MINDY3: variants seen among roughly 807,000 people sequenced by gnomAD.
MINDY3 encodes the protein MINDY lysine 48 deubiquitinase 3.
In MINDY3, 38 loss-of-function variants were observed where a neutral mutation model predicts 69.2. The ratio of observed to expected loss-of-function variants is 0.55; its 90% CI spans 0.42 to 0.72. The LOEUF is 0.72. Ranked by LOEUF, MINDY3 falls within the 30% of genes least tolerant of loss-of-function variation. The probability of loss-of-function intolerance (pLI) is 0.00; values close to 1 mark genes in which losing one functional copy is unlikely to be tolerated. For synonymous variants in MINDY3, 192 were observed against 180.1 expected (o/e 1.07, Z -0.53); for missense variants, 522 against 519.0 (o/e 1.01, Z -0.06).
intron 13 of MINDY3, 53 bp from the exon 14 acceptor site, chr10:15,782,279 T>C (rs1836605869): frequency 2.5e-6 from 3 of 1,220,940 alleles, no homozygotes; most frequent in Admixed American, 2.2e-5. Context: ...TATCAGGCAA[T>C]TTCTAATCAA....
chr10:15,820,492 G>C (rs547381177), intron 9 of MINDY3, among the ~76,000 whole-genome samples: 1 of 151,970 alleles, frequency 6.6e-6, no homozygotes, highest in Non-Finnish European at 1.5e-5. Flanking sequence ...TAGGATCTAC[G>C]AATGTGTGTG....
intron 8 of MINDY3, among the ~76,000 whole-genome samples, chr10:15,831,597 A>G (rs1263541245): frequency 6.6e-6 from 1 of 152,196 alleles, no homozygotes; most frequent in Non-Finnish European, 1.5e-5. Context: ...CAAGAACCGA[A>G]ACTGATAATT....
At chr10:15,852,383 T>C (rs1834366110) in intron 1 of MINDY3, among the ~76,000 whole-genome samples, 1 of 152,182 alleles carries the variant, frequency 6.6e-6, no homozygotes, top group South Asian at 2.1e-4. Flanking sequence ...GATGTAAGTG[T>C]GTAGTTCAGG....
chr10:15,796,220 T>C (rs757662761), intron 10 of MINDY3, 48 bp from the exon 11 acceptor site: 5 of 1,482,352 alleles, frequency 3.4e-6, no homozygotes, highest in Non-Finnish European at 4.7e-6. Flanking sequence ...TATTATGACA[T>C]TAAAAAGAAA....
intron 10 of MINDY3, 47 bp from the exon 11 acceptor site, chr10:15,796,219 A>G: frequency 6.7e-7 from 1 of 1,481,668 alleles, no homozygotes; most frequent in Non-Finnish European, 9.4e-7. Context: ...GTATTATGAC[A>G]TTAAAAAGAA....
At position 15,793,109 on chromosome 10, in the gene MINDY3, T is replaced by TATCA. The variant is rs1175419917; in HGVS notation, c.955+2987_955+2990dup. Among the ~76,000 whole-genome samples the TATCA allele has an allele frequency of 6.6e-5, 10 of 152,302 alleles. No individual in the cohort carries two copies. The East Asian group carries it at 1.5e-3, about 24-fold the overall frequency. ...ATCTTTGATCATATTAATATATCTT[T>TATCA]ATCAATCATTTTACAATAATTCCTA... On this transcript the variant is annotated intron_variant, in intron 11 of 14. Coordinates refer to ENST00000277632, the MANE Select transcript of MINDY3 (RefSeq NM_024948.4).
intron 13 of MINDY3, among the ~76,000 whole-genome samples, chr10:15,784,374 T>C (rs1836788895): frequency 6.6e-6 from 1 of 152,196 alleles, no homozygotes; most frequent in Admixed American, 6.5e-5. Flanking sequence ...ATTGTAAAGA[T>C]TACCGAAGTT....
chr10:15,814,226 T>G (rs1839202562), intron 10 of MINDY3, among the ~76,000 whole-genome samples: 1 of 152,220 alleles, frequency 6.6e-6, no homozygotes, highest in Non-Finnish European at 1.5e-5. Flanking sequence ...TAGGTGAACT[T>G]CCAGCTTTGT....
intron 9 of MINDY3, chr10:15,817,774 G>A (rs1159927711): frequency 6.6e-6 from 1 of 152,152 alleles, no homozygotes; most frequent in Non-Finnish European, 1.5e-5. Context: ...GGCTGTTTGT[G>A]GCAGTCAGGC....
intron 10 of MINDY3, among the ~76,000 whole-genome samples, chr10:15,799,956 A>T (rs1838141278): frequency 6.6e-6 from 1 of 152,142 alleles, no homozygotes; most frequent in African/African-American, 2.4e-5. Context: ...AAGGGAAAAT[A>T]TTGAAAACTT....
At chr10:15,797,971 T>C (rs939141058) in intron 10 of MINDY3, among the ~76,000 whole-genome samples, 2 of 152,164 alleles carry the variant, frequency 1.3e-5, no homozygotes, top group Non-Finnish European at 2.9e-5. Flanking sequence ...ACCATAACCT[T>C]TGAAATTCTG....
intron 2 of MINDY3, among the ~76,000 whole-genome samples, chr10:15,844,840 G>T (rs1030359557): frequency 2.0e-5 from 3 of 152,128 alleles, no homozygotes; most frequent in Non-Finnish European, 4.4e-5. Flanking sequence ...ATGACAAAAA[G>T]TAAGAAATAG....
chr10:15,823,568 G>GT (rs1487947283), intron 8 of MINDY3, among the ~76,000 whole-genome samples: 1 of 151,848 alleles, frequency 6.6e-6, no homozygotes, highest in Non-Finnish European at 1.5e-5. Context: ...AGTATATTTT[G>GT]TTTTTTTCTA....
intron 10 of MINDY3, among the ~76,000 whole-genome samples, chr10:15,813,869 T>C (rs897988874): frequency 1.3e-5 from 2 of 149,876 alleles, no homozygotes; most frequent in Admixed American, 6.7e-5. Context: ...AACAAACATA[T>C]CAGTTTTATA....
intron 2 of MINDY3, among the ~76,000 whole-genome samples, chr10:15,845,275 C>G (rs1302476024): frequency 6.6e-6 from 1 of 151,576 alleles, no homozygotes; most frequent in East Asian, 1.9e-4. Context: ...CCTGGTGTGA[C>G]AAATTCCTGG....
intron 9 of MINDY3, chr10:15,818,055 A>C (rs1010804698): frequency 6.6e-6 from 1 of 152,240 alleles, no homozygotes; most frequent in Non-Finnish European, 1.5e-5. Flanking sequence ...ATAAAATCAC[A>C]GTTCCAGAGT....
chr10:15,844,441 T>C (rs1190353530), intron 2 of MINDY3, among the ~76,000 whole-genome samples: 1 of 152,182 alleles, frequency 6.6e-6, no homozygotes, highest in African/African-American at 2.4e-5. Context: ...TTTAATTTTA[T>C]TACAAGTGAA....
intron 10 of MINDY3, among the ~76,000 whole-genome samples, chr10:15,809,486 TGCCTACAG>T (rs1838855198): frequency 6.6e-6 from 1 of 152,184 alleles, no homozygotes; most frequent in South Asian, 2.1e-4. Context: ...TGAAGACCCA[TGCCTACAG>T]GGCACATTCT....
chr10:15,855,592 C>A (rs968360803), intron 1 of MINDY3, among the ~76,000 whole-genome samples: 1 of 152,100 alleles, frequency 6.6e-6, no homozygotes, highest in African/African-American at 2.4e-5. Context: ...AGCTCAGAAC[C>A]AGGGTAAACC....
Sources: allele counts gnomAD v4.1 joint callset (sites outside exome capture counted in the v4.1 genomes callset), GRCh38; gene constraint gnomAD v4.1.1; transcripts MANE v1.5; gene names NCBI Gene and HGNC (gene_info 2026-07-23, HGNC 2026-07-21).